NCAPD3: variants seen among roughly 807,000 people sequenced by gnomAD.
The protein encoded by NCAPD3 is non-SMC condensin II complex subunit D3.
In NCAPD3, 105 loss-of-function variants were observed where a neutral mutation model predicts 182.9. The ratio of observed to expected loss-of-function variants is 0.57; its 90% confidence interval spans 0.49 to 0.68. The LOEUF (loss-of-function observed/expected upper bound fraction) is 0.68. Ranked by LOEUF, NCAPD3 falls within the 30% of genes least tolerant of loss-of-function variation. NCAPD3 has a pLI of 0.00. For synonymous variants in NCAPD3, 815 were observed against 679.9 expected (o/e 1.20, Z -3.09); for missense variants, 1,944 against 1,837.0 (o/e 1.06, Z -1.07).
In NCAPD3 at chr11:134,181,203, C is replaced by A; in HGVS notation, c.2452-19G>T. 6.3e-7 allele frequency: 1 copy of A among 1,575,808 alleles called. No individual in the cohort carries two copies. The highest frequency in any genetic ancestry group is 8.7e-7 in the Non-Finnish European group (1 of 1,145,992). On this transcript the variant is annotated intron_variant, in intron 19 of 34. Transcript: ENST00000534548. ...GCAATTCCTACGGCAAGTCAAAAGT[C>A]ATCTCTGAAGGGCCCCGCACATCTC...
In NCAPD3 at chr11:134,203,164, AC is replaced by A; in HGVS notation, c.1502del (p.Gly501ValfsTer4). ...TACCTGATGAATTTCTCAGTAAGGT[AC>A]CAGGGTGACTCTCTATTACAGAAAA... ...PTFSVIESHP[G>X]TLLRNSSAFS... On this transcript the variant is annotated frameshift_variant, in exon 12 of 35. Coordinates refer to ENST00000534548, the MANE Select transcript of NCAPD3 (RefSeq NM_015261.3). LOFTEE classifies it high-confidence loss of function. 6.3e-7 allele frequency: 1 copy of A among 1,597,378 alleles called. No homozygotes were observed. The highest frequency in any genetic ancestry group is 8.6e-7 in the Non-Finnish European group (1 of 1,164,910).
chr11:134,170,201 G>C lies in NCAPD3; in HGVS notation c.3102-1147C>G, dbSNP rs191653786. Among the ~76,000 whole-genome samples, 6 of 152,268 alleles carry C rather than the reference G, an allele frequency of 3.9e-5. No homozygotes were observed. In the East Asian group the frequency reaches 1.2e-3, roughly 29 times the overall value. ...CTTGACTATTCACCTAGGAAATACG[G>C]GAGCAGCTTGACCTAGAAATATGAA... On this transcript the variant is annotated intron_variant, in intron 24 of 34. Transcript: ENST00000534548.
intron 16 of NCAPD3, among the ~76,000 whole-genome samples, chr11:134,188,142 G>A (rs1274295853): frequency 3.3e-5 from 5 of 152,096 alleles, no homozygotes; most frequent in Admixed American, 3.3e-4. Context: ...TCTAGCTAAA[G>A]GATTGTAAAT....
chr11:134,214,626 C>T (rs1937951872), intron 3 of NCAPD3, among the ~76,000 whole-genome samples: 1 of 151,870 alleles, frequency 6.6e-6, no homozygotes, highest in Admixed American at 6.6e-5. Context: ...AAAAGGGGGC[C>T]CTCCAAAATG....
At chr11:134,196,872 T>G (rs371720478) in intron 13 of NCAPD3, among the ~76,000 whole-genome samples, 84 of 152,260 alleles carry the variant, frequency 5.5e-4, no homozygotes, top group African/African-American at 1.9e-3. Flanking sequence ...ACTACCCTGA[T>G]AGCAAAACCA....
intron 19 of NCAPD3, among the ~76,000 whole-genome samples, chr11:134,183,902 A>AAT (rs1245691946): frequency 6.6e-6 from 1 of 152,252 alleles, no homozygotes; most frequent in Non-Finnish European, 1.5e-5. Flanking sequence ...GGAAAACTTA[A>AAT]ATATATCCCA....
chr11:134,162,868 G>A (rs941026714), intron 27 of NCAPD3, among the ~76,000 whole-genome samples: 1 of 152,196 alleles, frequency 6.6e-6, no homozygotes, highest in African/African-American at 2.4e-5. Context: ...AAGGGAAGAG[G>A]TGTTAAGTGG....
chr11:134,185,718 T>C (rs1233301072), intron 16 of NCAPD3, among the ~76,000 whole-genome samples, 192 bp from the exon 17 acceptor site: 1 of 152,134 alleles, frequency 6.6e-6, no homozygotes, highest in African/African-American at 2.4e-5. Flanking sequence ...TTTTTATTAT[T>C]CTACTATCAG....
intron 32 of NCAPD3, among the ~76,000 whole-genome samples, chr11:134,156,347 G>T (rs143780087): frequency 6.6e-6 from 1 of 152,192 alleles, no homozygotes; most frequent in Non-Finnish European, 1.5e-5. Flanking sequence ...GGGACACGGC[G>T]GCAGGGCCTA....
intron 32 of NCAPD3, among the ~76,000 whole-genome samples, chr11:134,154,747 G>A (rs1257294687): frequency 6.6e-6 from 1 of 152,232 alleles, no homozygotes; most frequent in Non-Finnish European, 1.5e-5. Flanking sequence ...CATGCGAGGA[G>A]GCAGCTTCAG....
intron 17 of NCAPD3, 141 bp from the exon 18 acceptor site, chr11:134,185,141 G>A (rs1334159103): frequency 1.2e-6 from 1 of 866,058 alleles, no homozygotes; most frequent in African/African-American, 1.7e-5. Flanking sequence ...GAACATCAAG[G>A]CATTTAATGT....
At chr11:134,202,254 C>T (rs903095379) in intron 13 of NCAPD3, among the ~76,000 whole-genome samples, 1 of 152,180 alleles carries the variant, frequency 6.6e-6, no homozygotes, top group Non-Finnish European at 1.5e-5. Context: ...GTTGTTTCTA[C>T]AGACTTTCCC....
Position 134,173,015 on chromosome 11 carries a change from G to A in NCAPD3, c.3101+3292C>T, listed in dbSNP as rs73042031. The A allele has an allele frequency of 2.1e-3, 321 of 155,154 alleles. 2 individuals carry two copies. The highest frequency in any genetic ancestry group is 3.3e-3 in the Non-Finnish European group (235 of 70,632). 9.6% of individuals were successfully genotyped at this position (155,154 alleles called of 1,614,324 possible). A position where few individuals can be genotyped will look rare whatever the true frequency, so the allele number is the denominator to read the frequency against. On this transcript the variant is annotated intron_variant, in intron 24 of 34. Transcript: ENST00000534548. ...AAAAAAAAAAAAAGTCACACAGAGC[G>A]GGCAGGCAGTGCAAGGACCTGCAGG...
chr11:134,173,148 G>C (rs536545240), intron 24 of NCAPD3: 1 of 153,200 alleles, frequency 6.5e-6, no homozygotes, highest in Non-Finnish European at 1.5e-5. Context: ...AGTGACCATC[G>C]TCCAGATGCA....
At chr11:134,154,325 AGGAG>A (rs1943353539) in intron 32 of NCAPD3, among the ~76,000 whole-genome samples, 1 of 152,116 alleles carries the variant, frequency 6.6e-6, no homozygotes, top group African/African-American at 2.4e-5. Context: ...CTGTGTTCCT[AGGAG>A]AGCCTGAAGT....
At chr11:134,171,405 C>G (rs566540540) in intron 24 of NCAPD3, among the ~76,000 whole-genome samples, 1 of 152,286 alleles carries the variant, frequency 6.6e-6, no homozygotes, top group African/African-American at 2.4e-5. Context: ...CTTCTGTTTT[C>G]AGCTTTAGTA....
chr11:134,211,844 A>T (rs887600228), intron 3 of NCAPD3, among the ~76,000 whole-genome samples: 2 of 152,212 alleles, frequency 1.3e-5, no homozygotes, highest in African/African-American at 4.8e-5. Flanking sequence ...CAAAAAGCTA[A>T]TAAAGACTCA....
rs560518934 is a variant in NCAPD3, at chr11:134,212,514, C to T, written c.383-2060G>A. 2.0e-5 allele frequency among the ~76,000 whole-genome samples: 3 copies of T among 152,040 alleles called. No homozygotes were observed. The East Asian group carries it at 5.8e-4, about 29-fold the overall frequency. On this transcript the variant is annotated intron_variant, in intron 3 of 34. Transcript: ENST00000534548. ...GGTTCAAGTGGTTCTCCTGCCTCAGCCTCCTGAGTAGCATGCGTTACCACA... is the reference window on the plus strand; with the variant it reads ...GGTTCAAGTGGTTCTCCTGCCTCAGTCTCCTGAGTAGCATGCGTTACCACA...
intron 19 of NCAPD3, among the ~76,000 whole-genome samples, chr11:134,183,803 A>C (rs1227995331): frequency 6.6e-6 from 1 of 152,220 alleles, no homozygotes; most frequent in Non-Finnish European, 1.5e-5. Context: ...ATCTTAAGGA[A>C]GGGCTTTCTC....
Sources: allele counts gnomAD v4.1 joint callset (sites outside exome capture counted in the v4.1 genomes callset), GRCh38; gene constraint gnomAD v4.1.1; transcripts MANE v1.5; gene names NCBI Gene and HGNC (gene_info 2026-07-23, HGNC 2026-07-21).